Variants in WWOX observed in about 807,000 individuals in gnomAD.
WWOX encodes the protein WW domain-containing oxidoreductase.
Under a neutral mutation model 46.2 loss-of-function variants are expected in WWOX, and 69 were observed. The ratio of observed to expected loss-of-function variants is 1.49; its 90% CI spans 1.23 to 1.82. The LOEUF is 1.82. Among genes scored for constraint, WWOX ranks in the 40% most tolerant of loss-of-function variants. WWOX has a pLI of 0.00. For synonymous variants in WWOX, 359 were observed against 202.6 expected (o/e 1.77, Z -6.56); for missense variants, 919 against 542.6 (o/e 1.69, Z -6.89).
intron 8 of WWOX, among the ~76,000 whole-genome samples, chr16:78,916,563 G>C (rs1346438850): frequency 6.6e-6 from 1 of 152,198 alleles, no homozygotes; most frequent in East Asian, 1.9e-4. Flanking sequence ...ATACTTCTGA[G>C]AGAGAAATGA....
At chr16:78,556,245 A>ACT (rs2044293713) in intron 8 of WWOX, among the ~76,000 whole-genome samples, 1 of 150,912 alleles carries the variant, frequency 6.6e-6, no homozygotes. Flanking sequence ...TAAACAGGGT[A>ACT]CTTTCCCTCC....
intron 8 of WWOX, among the ~76,000 whole-genome samples, chr16:78,968,605 C>G (rs1175263467): frequency 6.6e-6 from 1 of 152,154 alleles, no homozygotes; most frequent in Non-Finnish European, 1.5e-5. Flanking sequence ...TTCCCAAGGA[C>G]CCTGTTGAGA....
chr16:78,687,679 C>A (rs1298103261), intron 8 of WWOX, among the ~76,000 whole-genome samples: 5 of 152,170 alleles, frequency 3.3e-5, no homozygotes, highest in African/African-American at 1.2e-4. Context: ...CAGTACTAGG[C>A]AAGCAGTTCA....
At chr16:78,882,779 G>A (rs186576756) in intron 8 of WWOX, among the ~76,000 whole-genome samples, 128 of 150,404 alleles carry the variant, frequency 8.5e-4, no homozygotes, top group African/African-American at 2.9e-3. Flanking sequence ...ATGAGCCACC[G>A]CACCCGGTTA....
intron 5 of WWOX, chr16:78,270,295 A>G (rs1369765349): frequency 6.6e-6 from 1 of 152,182 alleles, no homozygotes; most frequent in Non-Finnish European, 1.5e-5. Context: ...CCATCTTTCC[A>G]AGGAACGTTG....
chr16:78,108,372 T>G, intron 1 of WWOX, 51 bp from the exon 2 acceptor site: 1 of 1,572,718 alleles, frequency 6.4e-7, no homozygotes, highest in African/African-American at 1.4e-5. Flanking sequence ...TGATTACTTT[T>G]TAGAAGAGTT....
At chr16:78,674,969 A>G (rs1022769288) in intron 8 of WWOX, among the ~76,000 whole-genome samples, 1 of 152,152 alleles carries the variant, frequency 6.6e-6, no homozygotes, top group Admixed American at 6.5e-5. Flanking sequence ...CCCTCAGTGA[A>G]ACATGATTAA....
At chr16:78,122,076 T>C (rs1355878843) in intron 4 of WWOX, among the ~76,000 whole-genome samples, 1 of 152,188 alleles carries the variant, frequency 6.6e-6, no homozygotes, top group Non-Finnish European at 1.5e-5. Context: ...TACAGTACAT[T>C]GTTATAGTTC....
chr16:78,347,052 G>C lies in WWOX; in HGVS notation c.517-39808G>C, dbSNP rs1474140287. 1.7e-5 allele frequency among the ~76,000 whole-genome samples: 2 copies of C among 118,536 alleles called. 1 individual carries two copies. Among genetic ancestry groups the C allele is most frequent in the Non-Finnish European group, 4.0e-5 (2 of 49,808 alleles). The allele number at this position is 118,536 out of a possible 152,430, so 77.8% of individuals were successfully genotyped here. On this transcript the variant is annotated intron_variant, in intron 5 of 8. Coordinates refer to ENST00000566780, the MANE Select transcript of WWOX (RefSeq NM_016373.4). ...CATATCTCTTTCTTGCGTTTTTGTG[G>C]GGGTTGGGGTAATAGGTTTATTGAG...
intron 8 of WWOX, among the ~76,000 whole-genome samples, chr16:78,726,319 G>T (rs530584142): frequency 6.6e-6 from 1 of 151,624 alleles, no homozygotes; most frequent in African/African-American, 2.4e-5. Context: ...CAACCTCCTG[G>T]GGTCAAGTGA....
At chr16:79,070,268 ATGTGTGTGTGTGTGTGTGTGTG>A (rs4035490) in intron 8 of WWOX, among the ~76,000 whole-genome samples, 1 of 145,196 alleles carries the variant, frequency 6.9e-6, no homozygotes, top group African/African-American at 2.5e-5. Context: ...TGTGTTTCTG[ATGTGTGTGTGTGTGTGTGTGTG>A]TGTGTGTGTG....
chr16:78,695,492 T>TG, intron 8 of WWOX, among the ~76,000 whole-genome samples: 1 of 152,266 alleles, frequency 6.6e-6, no homozygotes, highest in South Asian at 2.1e-4. Flanking sequence ...AAGTAGGTCA[T>TG]GGGGGCGGTT....
chr16:78,920,983 C>G (rs780646185), intron 8 of WWOX, among the ~76,000 whole-genome samples: 1 of 152,114 alleles, frequency 6.6e-6, no homozygotes, highest in Non-Finnish European at 1.5e-5. Context: ...CAAGGTAGGA[C>G]AAAACCAGCT....
At chr16:79,201,390 C>G (rs1251530466) in intron 8 of WWOX, among the ~76,000 whole-genome samples, 1 of 140,722 alleles carries the variant, frequency 7.1e-6, no homozygotes, top group East Asian at 2.1e-4. Flanking sequence ...GGAATAAGAT[C>G]TGTTTCTTCA....
chr16:78,578,963 C>T (rs1432829779), intron 8 of WWOX, among the ~76,000 whole-genome samples: 2 of 152,278 alleles, frequency 1.3e-5, no homozygotes, highest in East Asian at 3.9e-4. Flanking sequence ...TCTTGCTTTT[C>T]AGAAACCACC....
intron 8 of WWOX, among the ~76,000 whole-genome samples, chr16:78,901,164 T>G (rs1216876416): frequency 1.3e-5 from 2 of 152,138 alleles, no homozygotes; most frequent in African/African-American, 4.8e-5. Context: ...AATGCAGAGT[T>G]CGGGTTCCTT....
At chr16:78,454,434 C>A (rs2083766516) in intron 8 of WWOX, among the ~76,000 whole-genome samples, 1 of 151,800 alleles carries the variant, frequency 6.6e-6, no homozygotes, top group Non-Finnish European at 1.5e-5. Flanking sequence ...CAAAATGATA[C>A]TTTTATCTGA....
intron 8 of WWOX, among the ~76,000 whole-genome samples, chr16:79,084,115 G>A (rs2048811941): frequency 6.6e-6 from 1 of 152,122 alleles, no homozygotes; most frequent in South Asian, 2.1e-4. Context: ...GGGAGAAACA[G>A]GAAGGAGCTG....
At chr16:78,307,503 C>T (rs2080155580) in intron 5 of WWOX, among the ~76,000 whole-genome samples, 1 of 152,156 alleles carries the variant, frequency 6.6e-6, no homozygotes, top group South Asian at 2.1e-4. Flanking sequence ...TGTGAGGCAA[C>T]AATCTGGTGG....
Sources: gnomAD v4.1 joint callset for allele counts (sites outside exome capture counted in the v4.1 genomes callset) on GRCh38, gnomAD v4.1.1 for gene constraint, MANE v1.5 for transcripts, NCBI Gene and HGNC (gene_info 2026-07-23, HGNC 2026-07-21) for gene names.